Variants in DLC1 observed in about 807,000 individuals in gnomAD.
The protein encoded by DLC1 is rho GTPase-activating protein 7.
In DLC1, 54 loss-of-function variants were observed where a neutral mutation model predicts 140.3. That is an observed-to-expected ratio of 0.38 (90% CI 0.31 to 0.48). DLC1 has a LOEUF of 0.48. Ranked by LOEUF, DLC1 falls within the 20% of genes least tolerant of loss-of-function variation. The pLI is 0.96. For missense variants in DLC1, 2,536 were observed against 1,907.0 expected (o/e 1.33, Z -6.14); for synonymous variants, 986 against 728.1 (o/e 1.35, Z -5.70).
chr8:13,466,046 C>T (rs1447310685), intron 2 of DLC1, among the ~76,000 whole-genome samples: 1 of 152,186 alleles, frequency 6.6e-6, no homozygotes, highest in African/African-American at 2.4e-5. Context: ...CTTGACTCAC[C>T]CCACTGATGT....
intron 1 of DLC1, among the ~76,000 whole-genome samples, chr8:13,504,274 G>A (rs1801952982): frequency 6.6e-6 from 1 of 152,128 alleles, no homozygotes; most frequent in African/African-American, 2.4e-5. Flanking sequence ...TTACAGGCAT[G>A]TGCCACAATG....
upstream of DLC1, among the ~76,000 whole-genome samples, chr8:13,517,351 A>G (rs1802621939): frequency 6.6e-6 from 1 of 152,198 alleles, no homozygotes; most frequent in African/African-American, 2.4e-5. Flanking sequence ...AACTCTGTTC[A>G]CAAATGCCTT....
rs572111451 is a variant in DLC1, at chr8:13,132,564, G to C, written c.1349-16907C>G. On this transcript the variant is annotated intron_variant, in intron 5 of 17. Coordinates refer to ENST00000276297, the MANE Select transcript of DLC1 (RefSeq NM_182643.3). ...GTACGAGCGCAGAGCAGTCCCCAGA[G>C]GAAAGGAAGGTAGAAGGCGGTGTCG... is the stretch of plus-strand genomic sequence containing the variant. Among the ~76,000 whole-genome samples, 4 of 152,268 alleles carry C rather than the reference G, an allele frequency of 2.6e-5. No individual in the cohort carries two copies. In the East Asian group the frequency reaches 7.8e-4, roughly 30 times the overall value.
At chr8:13,336,803 G>T (rs1274800854) in intron 4 of DLC1, among the ~76,000 whole-genome samples, 3 of 152,122 alleles carry the variant, frequency 2.0e-5, no homozygotes, top group African/African-American at 7.2e-5. Context: ...TATAATGTAT[G>T]CCACCCAAAT....
chr8:13,603,463 T>C (rs1805954203), intron 1 of DLC1, among the ~76,000 whole-genome samples: 1 of 151,880 alleles, frequency 6.6e-6, no homozygotes, highest in Non-Finnish European at 1.5e-5. Context: ...AGAAATGTAA[T>C]CATATTAAAA....
rs149052340 is a variant in DLC1, at chr8:13,581,553, C to T, written c.-126+22984G>A. Among the ~76,000 whole-genome samples the T allele has an allele frequency of 9.8e-3, 1,499 of 152,232 alleles. 21 individuals are homozygous for T. Among genetic ancestry groups the T allele is most frequent in the Non-Finnish European group, 0.013 (902 of 68,020 alleles). On this transcript the variant is annotated intron_variant, in intron 1 of 1. Coordinates refer to the DLC1 transcript ENST00000631382. ...TTCTTCATCCAAGATTTATCTAATC[C>T]AATCCATTTAAAGGTCTTTATATCC...
intron 2 of DLC1, among the ~76,000 whole-genome samples, chr8:13,453,422 A>ATTTTTTTTTTTTTTTTTTTTTTT (rs1554523043): frequency 6.8e-4 from 22 of 32,562 alleles, no homozygotes; most frequent in African/African-American, 2.7e-3. Flanking sequence ...ATATATATAT[A>ATTTTTTTTTTTTTTTTTTTTTTT]TGTGTATATA....
intron 1 of DLC1, among the ~76,000 whole-genome samples, chr8:13,544,006 C>T (rs1803571644): frequency 6.6e-6 from 1 of 151,176 alleles, no homozygotes; most frequent in Admixed American, 6.6e-5. Flanking sequence ...CAAAAAAATA[C>T]AAAAATTTAA....
chr8:13,133,386 G>A (rs1822295177), intron 5 of DLC1: 5 of 914,038 alleles, frequency 5.5e-6, no homozygotes, highest in Admixed American at 5.7e-5. Flanking sequence ...CCGCTGTCTG[G>A]GTCGCAGGCC....
intron 4 of DLC1, among the ~76,000 whole-genome samples, chr8:13,366,273 T>C (rs1393274061): frequency 6.6e-6 from 1 of 152,190 alleles, no homozygotes; most frequent in East Asian, 1.9e-4. Context: ...GCTTTCTGGA[T>C]TGTAATCTAC....
intron 5 of DLC1, among the ~76,000 whole-genome samples, chr8:13,275,473 G>T (rs1831123808): frequency 6.6e-6 from 1 of 152,150 alleles, no homozygotes; most frequent in Non-Finnish European, 1.5e-5. Context: ...TAGGAACACA[G>T]ACTTAGAGAG....
intron 5 of DLC1, among the ~76,000 whole-genome samples, chr8:13,208,423 G>A (rs551544567): frequency 1.3e-5 from 2 of 152,208 alleles, no homozygotes; most frequent in East Asian, 3.9e-4. Context: ...ATTATGAAGA[G>A]AAAACAATTT....
chr8:13,418,812 C>A (rs1453740100), intron 2 of DLC1, among the ~76,000 whole-genome samples: 1 of 152,098 alleles, frequency 6.6e-6, no homozygotes, highest in Non-Finnish European at 1.5e-5. Flanking sequence ...GGCAGTGTGG[C>A]CATTTTCACA....
At chr8:13,542,426 A>G (rs1424329903) in intron 1 of DLC1, among the ~76,000 whole-genome samples, 3 of 152,094 alleles carry the variant, frequency 2.0e-5, no homozygotes, top group East Asian at 3.9e-4. Flanking sequence ...TTTCAAATAT[A>G]CCCACAATGT....
chr8:13,520,398 T>G (rs192759370), intron 1 of DLC1, among the ~76,000 whole-genome samples: 528 of 152,104 alleles, frequency 3.5e-3, no homozygotes, highest in African/African-American at 0.012. Context: ...CCGCATGTTC[T>G]CACCCATAAG....
chr8:13,218,172 C>A (rs1161913610), intron 5 of DLC1, among the ~76,000 whole-genome samples: 1 of 152,136 alleles, frequency 6.6e-6, no homozygotes, highest in Non-Finnish European at 1.5e-5. Context: ...GGTGCTGGGA[C>A]AACTGACTAG....
chr8:13,544,488 G>T (rs1451576347), intron 1 of DLC1, among the ~76,000 whole-genome samples: 1 of 152,112 alleles, frequency 6.6e-6, no homozygotes, highest in Non-Finnish European at 1.5e-5. Context: ...TTTAGTGAGA[G>T]GTGCAGAGAT....
intron 4 of DLC1, among the ~76,000 whole-genome samples, chr8:13,364,348 G>A (rs1267651477): frequency 6.6e-6 from 1 of 150,888 alleles, no homozygotes; most frequent in Non-Finnish European, 1.5e-5. Context: ...GCACAGGTTG[G>A]AGTGCAGTGG....
intron 1 of DLC1, chr8:13,567,256 A>G: frequency 6.4e-7 from 1 of 1,551,776 alleles, no homozygotes; most frequent in Non-Finnish European, 8.7e-7. Flanking sequence ...AAAATGGATC[A>G]ACTACCTCAA....
Sources: gnomAD v4.1 joint callset for allele counts (sites outside exome capture counted in the v4.1 genomes callset) on GRCh38, gnomAD v4.1.1 for gene constraint, MANE v1.5 for transcripts, NCBI Gene and HGNC (gene_info 2026-07-23, HGNC 2026-07-21) for gene names.